The following WIPF3 variants were observed in gnomAD, a reference collection of about 807,000 sequenced individuals.
WIPF3 encodes the protein WAS/WASL interacting protein family member 3, also known as WAS/WASL-interacting protein family member 3.
WIPF3 carries 33 observed loss-of-function variants against 38.9 expected under a neutral mutation model. The ratio of observed to expected loss-of-function variants is 0.85; its 90% CI spans 0.64 to 1.14. WIPF3 has a LOEUF of 1.14. Ranked by LOEUF, WIPF3 falls within the 50% of genes most tolerant of loss-of-function variation. The pLI is 0.00. For missense variants in WIPF3, 711 were observed against 652.5 expected (o/e 1.09, Z -0.98); for synonymous variants, 324 against 269.3 (o/e 1.20, Z -1.99).
In WIPF3 at chr7:29,875,959, G is replaced by A. The variant is rs747880005; in HGVS notation, c.220G>A (p.Glu74Lys). ...CAACGACCGCAGTGCCCCGCAGATC[G>A]AGAGTAAGTGAGCAGCCGGGCCAGG... ...QINDRSAPQI[E>K]SSKGTNKEGG... Residue 74 changes from glutamate (E) to lysine (K), a missense_variant, in exon 3 of 9, where the codon GAG becomes AAG. Coordinates refer to ENST00000242140, the MANE Select transcript of WIPF3 (RefSeq NM_001080529.3). 105 of 1,613,258 alleles carry A rather than the reference G, an allele frequency of 6.5e-5. No individual in the cohort carries two copies. The highest frequency in any genetic ancestry group is 8.2e-5 in the Non-Finnish European group (97 of 1,179,608).
At chr7:29,837,138 G>A (rs923682714) in intron 2 of WIPF3, among the ~76,000 whole-genome samples, 17 of 152,282 alleles carry the variant, frequency 1.1e-4, no homozygotes, top group African/African-American at 3.8e-4. Flanking sequence ...AGTGGATCAC[G>A]AGGTCAGGAG....
chr7:29,822,316 A>G (rs1350456122), intron 1 of WIPF3, among the ~76,000 whole-genome samples: 1 of 151,720 alleles, frequency 6.6e-6, no homozygotes, highest in Non-Finnish European at 1.5e-5. Flanking sequence ...GAGAGAGAGA[A>G]GTATGTGTGT....
At chr7:29,893,024 C>T (rs1786056309) in intron 7 of WIPF3, among the ~76,000 whole-genome samples, 1 of 151,966 alleles carries the variant, frequency 6.6e-6, no homozygotes, top group Non-Finnish European at 1.5e-5. Context: ...GAGATCGTGC[C>T]ATTGCAATCC....
At chr7:29,857,249 TA>T (rs1276265032) in intron 2 of WIPF3, among the ~76,000 whole-genome samples, 1 of 152,186 alleles carries the variant, frequency 6.6e-6, no homozygotes, top group African/African-American at 2.4e-5. Flanking sequence ...ATAGGGTAGT[TA>T]AACTTTGCTC....
chr7:29,893,879 C>T (rs1193664040), intron 7 of WIPF3, among the ~76,000 whole-genome samples: 1 of 152,078 alleles, frequency 6.6e-6, no homozygotes, highest in African/African-American at 2.4e-5. Flanking sequence ...TAACCTATAC[C>T]CTAAACCAGA....
chr7:29,887,544 G>T (rs1008064624), intron 5 of WIPF3, among the ~76,000 whole-genome samples: 1 of 152,196 alleles, frequency 6.6e-6, no homozygotes, highest in Non-Finnish European at 1.5e-5. Context: ...GGACCGGAAA[G>T]AGAAACAAGC....
chr7:29,884,251 G>T lies in WIPF3; in HGVS notation c.757G>T (p.Ala253Ser). ...LSDKAVKPQL[A>S]PLHLPPIPPP... Reference sequence around the variant, plus strand: ...TGACAAGGCAGTGAAGCCTCAGCTGGCTCCCTTGCACCTCCCGCCCATCCC... The same window carrying T: ...TGACAAGGCAGTGAAGCCTCAGCTGTCTCCCTTGCACCTCCCGCCCATCCC... Residue 253 changes from alanine to serine, a missense_variant, in exon 5 of 9, where the codon GCT (alanine) becomes TCT (serine). Transcript: ENST00000242140. 1 of 1,536,168 alleles carries T rather than the reference G, an allele frequency of 6.5e-7. No homozygotes were observed. Among genetic ancestry groups the T allele is most frequent in the Non-Finnish European group, 8.8e-7 (1 of 1,141,342 alleles).
At position 29,914,605 on chromosome 7, in the gene WIPF3, T is replaced by C. The variant is rs1786570740; in HGVS notation, c.*89T>C. 1 of 941,370 alleles carries C rather than the reference T, an allele frequency of 1.1e-6. No homozygotes were observed. Among genetic ancestry groups the C allele is most frequent in the Non-Finnish European group, 1.5e-6 (1 of 675,594 alleles). 58.3% of individuals were successfully genotyped at this position (941,370 alleles called of 1,614,324 possible). A position where few individuals can be genotyped will look rare whatever the true frequency, so the allele number is the denominator to read the frequency against. Reference sequence around the variant, plus strand: ...ACCCCATGCTCAAGCTGTAATTCAGTTGGCATACAGGCTTGGAATTGAGAA... The same window carrying C: ...ACCCCATGCTCAAGCTGTAATTCAGCTGGCATACAGGCTTGGAATTGAGAA... On this transcript the variant is annotated 3_prime_UTR_variant, in exon 9 of 9. Coordinates refer to ENST00000242140, the MANE Select transcript of WIPF3 (RefSeq NM_001080529.3).
intron 2 of WIPF3, among the ~76,000 whole-genome samples, chr7:29,848,060 C>T (rs548217754): frequency 6.6e-6 from 1 of 152,266 alleles, no homozygotes; most frequent in African/African-American, 2.4e-5. Flanking sequence ...CCAGTACTTG[C>T]TCCTGCAGCA....
chr7:29,883,727 C>A, intron 4 of WIPF3, 123 bp from the exon 5 acceptor site: 2 of 1,342,800 alleles, frequency 1.5e-6, no homozygotes, highest in Admixed American at 3.5e-5. Flanking sequence ...TGGACACGTG[C>A]AGAAAAAGCG....
At chr7:29,862,617 G>T (rs1303686871) in intron 2 of WIPF3, among the ~76,000 whole-genome samples, 2 of 152,236 alleles carry the variant, frequency 1.3e-5, no homozygotes, top group African/African-American at 4.8e-5. Flanking sequence ...AGCGTAGTTT[G>T]TGTCCGTTAA....
At chr7:29,831,328 A>G (rs1784717460) in intron 1 of WIPF3, among the ~76,000 whole-genome samples, 1 of 152,148 alleles carries the variant, frequency 6.6e-6, no homozygotes, top group Admixed American at 6.5e-5. Flanking sequence ...CTGGGCCCTC[A>G]ACGGATTAGA....
chr7:29,865,246 G>T (rs1785365520), intron 2 of WIPF3, among the ~76,000 whole-genome samples: 1 of 152,132 alleles, frequency 6.6e-6, no homozygotes, highest in Non-Finnish European at 1.5e-5. Flanking sequence ...GCAAAGAGGG[G>T]CTGTCTTGGG....
intron 2 of WIPF3, among the ~76,000 whole-genome samples, chr7:29,840,825 A>G (rs1288553708): frequency 1.1e-4 from 17 of 152,164 alleles, no homozygotes; most frequent in Non-Finnish European, 1.3e-4. Context: ...TATACTAAAA[A>G]GAAACATCAG....
At chr7:29,901,505 G>A (rs1314953440) in intron 7 of WIPF3, among the ~76,000 whole-genome samples, 1 of 151,136 alleles carries the variant, frequency 6.6e-6, no homozygotes, top group Non-Finnish European at 1.5e-5. Flanking sequence ...AAACCAGTGG[G>A]AAGAGCCAGG....
intron 8 of WIPF3, among the ~76,000 whole-genome samples, chr7:29,909,965 G>A (rs890031974): frequency 3.3e-5 from 5 of 151,948 alleles, no homozygotes; most frequent in African/African-American, 1.2e-4. Flanking sequence ...TGGAGTTGGG[G>A]ATGGTTAATT....
intron 2 of WIPF3, among the ~76,000 whole-genome samples, chr7:29,836,295 G>T (rs531336834): frequency 6.6e-6 from 1 of 152,274 alleles, no homozygotes; most frequent in African/African-American, 2.4e-5. Flanking sequence ...TAGAATAACT[G>T]CAAATACTGA....
At chr7:29,814,912 G>A (rs1784433367) in intron 1 of WIPF3, among the ~76,000 whole-genome samples, 1 of 152,196 alleles carries the variant, frequency 6.6e-6, no homozygotes, top group South Asian at 2.1e-4. Flanking sequence ...TGTGGCTGAT[G>A]TAAGTTATTA....
intron 2 of WIPF3, among the ~76,000 whole-genome samples, chr7:29,837,114 G>T (rs1317769552): frequency 6.6e-6 from 1 of 152,192 alleles, no homozygotes; most frequent in African/African-American, 2.4e-5. Flanking sequence ...CCAGCACTTT[G>T]GGAGGCTGAG....
Sources: allele counts gnomAD v4.1 joint callset (sites outside exome capture counted in the v4.1 genomes callset), GRCh38; gene constraint gnomAD v4.1.1; transcripts MANE v1.5; gene names NCBI Gene and HGNC (gene_info 2026-07-23, HGNC 2026-07-21).